Variants in LARP1B observed in about 807,000 individuals in gnomAD.
The protein encoded by LARP1B is La ribonucleoprotein 1B, also known as la-related protein 1B.
LARP1B carries 76 observed loss-of-function variants against 114.2 expected under a neutral mutation model. The ratio of observed to expected loss-of-function variants is 0.67; its 90% CI spans 0.55 to 0.81. The LOEUF (loss-of-function observed/expected upper bound fraction) is 0.81. Ranked by LOEUF, LARP1B falls within the 30% of genes least tolerant of loss-of-function variation. The probability of loss-of-function intolerance (pLI) is 0.00; values close to 1 mark genes in which losing one functional copy is unlikely to be tolerated. For synonymous variants in LARP1B, 345 were observed against 348.0 expected, an observed-to-expected ratio of 0.99 and a Z score of 0.10; for missense variants, 1,014 against 1,075.8, an observed-to-expected ratio of 0.94 and a Z score of 0.80.
chr4:128,162,996 A>G (rs959964518), intron 12 of LARP1B, among the ~76,000 whole-genome samples: 2 of 152,186 alleles, frequency 1.3e-5, no homozygotes, highest in African/African-American at 4.8e-5. Flanking sequence ...GATAAGGGCT[A>G]TATCTTTTAA....
intron 11 of LARP1B, among the ~76,000 whole-genome samples, chr4:128,147,477 A>C (rs1042642229): frequency 1.3e-5 from 2 of 152,340 alleles, no homozygotes; most frequent in Admixed American, 1.3e-4. Flanking sequence ...TAGCTAGAGA[A>C]GGTAGCTGGT....
chr4:128,086,806 A>G (rs1219664895), intron 5 of LARP1B, among the ~76,000 whole-genome samples: 1 of 151,100 alleles, frequency 6.6e-6, no homozygotes, highest in African/African-American at 2.4e-5. Context: ...TTATTCCATT[A>G]GTCTTTTTTT....
intron 10 of LARP1B, among the ~76,000 whole-genome samples, chr4:128,121,070 A>T (rs1787804484): frequency 6.6e-6 from 1 of 151,906 alleles, no homozygotes; most frequent in Non-Finnish European, 1.5e-5. Flanking sequence ...CAGCGTCCCA[A>T]AGTGCTGGGA....
At chr4:128,142,580 C>T (rs1292820813) in intron 11 of LARP1B, among the ~76,000 whole-genome samples, 1 of 151,190 alleles carries the variant, frequency 6.6e-6, no homozygotes, top group Non-Finnish European at 1.5e-5. Context: ...GCGATCTCTG[C>T]TCACTGCAGC....
intron 4 of LARP1B, among the ~76,000 whole-genome samples, chr4:128,080,351 A>G (rs1289771657): frequency 6.6e-6 from 1 of 152,168 alleles, no homozygotes; most frequent in Admixed American, 6.5e-5. Flanking sequence ...TGTAGTTAGA[A>G]CAATTGGTAT....
At chr4:128,222,305 T>C in intron 7 of LARP1B, 1 of 456,622 alleles carries the variant, frequency 2.2e-6, no homozygotes, top group Non-Finnish European at 4.4e-6. Context: ...GTTTTAGTTC[T>C]TTCCCTTTGT....
At chr4:128,063,804 C>T (rs1761365874) in intron 1 of LARP1B, among the ~76,000 whole-genome samples, 1 of 151,840 alleles carries the variant, frequency 6.6e-6, no homozygotes, top group African/African-American at 2.4e-5. Flanking sequence ...AAAAACAAAA[C>T]CGTATCTTTC....
At chr4:128,111,179 T>C (rs1404242463) in intron 9 of LARP1B, among the ~76,000 whole-genome samples, 3 of 152,040 alleles carry the variant, frequency 2.0e-5, no homozygotes, top group Non-Finnish European at 4.4e-5. Flanking sequence ...CCCGGGTAGC[T>C]GGGACTACAG....
chr4:128,090,974 A>C (rs927302867), intron 5 of LARP1B, 27 bp from the exon 6 acceptor site: 1 of 1,490,552 alleles, frequency 6.7e-7, no homozygotes, highest in Non-Finnish European at 9.2e-7. Flanking sequence ...AAATCGAAGT[A>C]TATAAAAATA....
At chr4:128,079,090 G>A (rs1035731223) in intron 4 of LARP1B, among the ~76,000 whole-genome samples, 1 of 105,570 alleles carries the variant, frequency 9.5e-6, no homozygotes, top group Non-Finnish European at 2.2e-5. Flanking sequence ...TGAATAGTTT[G>A]TCTTTTTTTT....
intron 7 of LARP1B, among the ~76,000 whole-genome samples, chr4:128,097,024 G>A (rs1288942964): frequency 6.6e-6 from 1 of 152,062 alleles, no homozygotes; most frequent in Non-Finnish European, 1.5e-5. Context: ...TCAGCTTCCC[G>A]AGTAGCTGGG....
chr4:128,203,696 A>G (rs2150920272), intron 17 of LARP1B, among the ~76,000 whole-genome samples: 1 of 152,284 alleles, frequency 6.6e-6, no homozygotes, highest in East Asian at 1.9e-4. Flanking sequence ...TCATTAGGGA[A>G]TTGTTACTAA....
At chr4:128,156,090 C>G (rs1735490818) in intron 11 of LARP1B, 1 of 1,603,884 alleles carries the variant, frequency 6.2e-7, no homozygotes. Context: ...CCAGCCTGGT[C>G]TTCACCTACC....
chr4:128,205,335 G>A (rs1757280314), intron 17 of LARP1B, among the ~76,000 whole-genome samples: 1 of 152,174 alleles, frequency 6.6e-6, no homozygotes, highest in South Asian at 2.1e-4. Context: ...TTCTAACTTA[G>A]GAGTGTTTTA....
At chr4:128,118,077 G>A (rs1303256037) in intron 10 of LARP1B, among the ~76,000 whole-genome samples, 12 of 125,894 alleles carry the variant, frequency 9.5e-5, no homozygotes, top group Admixed American at 3.7e-4. Flanking sequence ...CAACAGGCCC[G>A]GCTAATTTTT....
chr4:128,219,895 A>AT (rs1253693488), intron 6 of LARP1B, among the ~76,000 whole-genome samples: 1 of 151,954 alleles, frequency 6.6e-6, no homozygotes, highest in Non-Finnish European at 1.5e-5. Flanking sequence ...ATTTTATTTT[A>AT]TTTTTTTGAG....
At position 128,092,992 on chromosome 4, in the gene LARP1B, A is replaced by G. The variant is rs937670285; in HGVS notation, c.668+1480A>G. The stretch of plus-strand genomic sequence containing the variant: ...GAGCAGAGCTACTTCAGTGTTGACA[A>G]AATTTCTGATCATGCAGTGTAGAAT... On this transcript the variant is annotated intron_variant, in intron 7 of 19. Transcript: ENST00000326639. 8 of 985,324 alleles carry G rather than the reference A, an allele frequency of 8.1e-6. No individual in the cohort carries two copies. In the African/African-American group the frequency reaches 1.2e-4, roughly 15 times the overall value. The allele number at this position is 985,324 out of a possible 1,614,324, so 61.0% of individuals were successfully genotyped here.
intron 7 of LARP1B, among the ~76,000 whole-genome samples, chr4:128,092,364 ATAG>A (rs754335542): frequency 4.6e-5 from 7 of 152,136 alleles, no homozygotes; most frequent in Non-Finnish European, 7.4e-5. Flanking sequence ...TCTAGTTCTC[ATAG>A]TAGTTGCTTT....
At chr4:128,127,253 A>G (rs989156449) in intron 11 of LARP1B, among the ~76,000 whole-genome samples, 4 of 95,278 alleles carry the variant, frequency 4.2e-5, no homozygotes, top group Non-Finnish European at 1.0e-4. Flanking sequence ...CACAGAAAGG[A>G]CTGCAGAGCA....
Sources: allele counts gnomAD v4.1 joint callset (sites outside exome capture counted in the v4.1 genomes callset), GRCh38; gene constraint gnomAD v4.1.1; transcripts MANE v1.5; gene names NCBI Gene and HGNC (gene_info 2026-07-23, HGNC 2026-07-21).